The following WDR27 variants were observed in gnomAD, a reference collection of about 807,000 sequenced individuals.
WDR27 encodes WD repeat-containing protein 27.
Under a neutral mutation model 114.4 loss-of-function variants are expected in WDR27, and 100 were observed. The ratio of observed to expected loss-of-function variants is 0.87; its 90% confidence interval spans 0.74 to 1.03. The LOEUF is 1.03. Ranked by LOEUF, WDR27 falls within the 50% of genes least tolerant of loss-of-function variation. The probability of loss-of-function intolerance (pLI) is 0.00; values close to 1 mark genes in which losing one functional copy is unlikely to be tolerated. For missense variants in WDR27, 1,129 were observed against 1,092.9 expected, an observed-to-expected ratio of 1.03 and a Z score of -0.47; for synonymous variants, 449 against 423.1, an observed-to-expected ratio of 1.06 and a Z score of -0.75.
chr6:169,605,836 T>C (rs553033573), intron 22 of WDR27, among the ~76,000 whole-genome samples: 1 of 152,160 alleles, frequency 6.6e-6, no homozygotes, highest in South Asian at 2.1e-4. Context: ...CTTTGAAAGC[T>C]GACAAAATCA....
At chr6:169,673,336 G>T (rs1435369916) in intron 2 of WDR27, among the ~76,000 whole-genome samples, 2 of 151,890 alleles carry the variant, frequency 1.3e-5, no homozygotes, top group African/African-American at 4.8e-5. Flanking sequence ...TCTAGTAAAG[G>T]CAGGATACGT....
intron 1 of WDR27, among the ~76,000 whole-genome samples, chr6:169,697,053 T>G (rs1190280573): frequency 6.6e-6 from 1 of 152,252 alleles, no homozygotes; most frequent in African/African-American, 2.4e-5. Flanking sequence ...GGACACGAGC[T>G]GTTCCAGTAT....
chr6:169,663,444 G>C (rs2128278292), intron 8 of WDR27: 1 of 151,974 alleles, frequency 6.6e-6, no homozygotes, highest in East Asian at 1.9e-4. Flanking sequence ...TCTGTAATAT[G>C]AAACGTCAGC....
intron 25 of WDR27, among the ~76,000 whole-genome samples, chr6:169,460,513 G>A (rs564588065): frequency 6.6e-6 from 1 of 152,256 alleles, no homozygotes; most frequent in African/African-American, 2.4e-5. Flanking sequence ...AGGCAGTAAT[G>A]CAGAAAATAA....
chr6:169,663,902 G>A (rs976803435), intron 8 of WDR27, among the ~76,000 whole-genome samples: 11 of 152,342 alleles, frequency 7.2e-5, no homozygotes, highest in African/African-American at 2.6e-4. Flanking sequence ...ACCCATAGCT[G>A]CAAAGCTGCT....
chr6:169,444,951 C>T, the WDR27 span, among the ~76,000 whole-genome samples: 1 of 152,172 alleles, frequency 6.6e-6, no homozygotes, highest in Admixed American at 6.5e-5. Flanking sequence ...GAGGACAATA[C>T]TATCCCTTAC....
intron 7 of WDR27, chr6:169,664,587 T>C (rs981575305): frequency 1.3e-5 from 16 of 1,251,754 alleles, no homozygotes; most frequent in African/African-American, 3.1e-5. Context: ...CCAGGCTCTC[T>C]GCACACACCC....
chr6:169,634,286 A>C, intron 20 of WDR27, 142 bp downstream of exon 20: 2 of 590,604 alleles, frequency 3.4e-6, no homozygotes. Flanking sequence ...TAACACAAGG[A>C]TGGCGAGCTC....
chr6:169,592,626 C>T (rs2128156722), intron 23 of WDR27, among the ~76,000 whole-genome samples: 1 of 152,272 alleles, frequency 6.6e-6, no homozygotes, highest in African/African-American at 2.4e-5. Context: ...AATCTTGTCA[C>T]CTATGAATAA....
At chr6:169,656,583 A>C (rs1253556768) in intron 13 of WDR27, among the ~76,000 whole-genome samples, 1 of 151,920 alleles carries the variant, frequency 6.6e-6, no homozygotes, top group Non-Finnish European at 1.5e-5. Flanking sequence ...GAGAACGAGG[A>C]GGCCGGGAGG....
chr6:169,655,577 A>C (rs1437400112), intron 13 of WDR27, among the ~76,000 whole-genome samples: 3 of 152,242 alleles, frequency 2.0e-5, no homozygotes, highest in Non-Finnish European at 2.9e-5. Flanking sequence ...ATTACTCTAC[A>C]TATAAACAGC....
intron 24 of WDR27, among the ~76,000 whole-genome samples, chr6:169,577,321 G>A (rs968264480): frequency 2.8e-5 from 4 of 141,740 alleles, no homozygotes; most frequent in Admixed American, 1.4e-4. Context: ...GGGCGTCCGC[G>A]CCGAGCCAGG....
At chr6:169,621,191 T>C (rs1257726369) in intron 21 of WDR27, among the ~76,000 whole-genome samples, 3 of 151,960 alleles carry the variant, frequency 2.0e-5, no homozygotes, top group African/African-American at 4.8e-5. Flanking sequence ...TATACATACA[T>C]ACACCCATGC....
intron 22 of WDR27, among the ~76,000 whole-genome samples, chr6:169,612,506 C>A (rs78653523): frequency 6.6e-6 from 1 of 150,476 alleles, no homozygotes; most frequent in African/African-American, 2.5e-5. Context: ...CAGCTGCTCA[C>A]GAGGCTGAGG....
rs1433345146 is a variant in WDR27 at position 169,659,422 on chromosome 6, G to A, written c.1197+29C>T. On this transcript the variant is annotated intron_variant, in intron 11 of 25. Coordinates refer to ENST00000448612, the MANE Select transcript of WDR27 (RefSeq NM_182552.5). The surrounding 1 kb of genome is among the most constrained non-coding windows in gnomAD (Gnocchi z 4.3). Reference sequence around the variant, plus strand: ...GAAGAAATCAGAGGCACGTCTCATAGACAGGGAGGGCCGCGTCTCAGGACT... The same window carrying A: ...GAAGAAATCAGAGGCACGTCTCATAAACAGGGAGGGCCGCGTCTCAGGACT... 8.7e-6 allele frequency: 14 copies of A among 1,601,862 alleles called. No individual in the cohort carries two copies. Among genetic ancestry groups the A allele is most frequent in the Non-Finnish European group, 1.1e-5 (13 of 1,174,218 alleles).
At chr6:169,665,133 G>A (rs1489780290) in intron 7 of WDR27, 10 of 1,014,340 alleles carry the variant, frequency 9.9e-6, no homozygotes, top group East Asian at 9.6e-5. Flanking sequence ...CGTCCAGGGC[G>A]CCTCTCCGGG....
intron 23 of WDR27, among the ~76,000 whole-genome samples, chr6:169,600,514 C>T (rs1807756902): frequency 6.6e-6 from 1 of 152,084 alleles, no homozygotes; most frequent in Admixed American, 6.5e-5. Context: ...TCAAACTACT[C>T]CGAGCTAAAG....
At chr6:169,517,626 C>A (rs1793839478) in intron 25 of WDR27, among the ~76,000 whole-genome samples, 2 of 152,180 alleles carry the variant, frequency 1.3e-5, no homozygotes, top group Non-Finnish European at 2.9e-5. Context: ...AAAAGACTCC[C>A]TATGGCATTG....
At chr6:169,497,513 A>G (rs1790558704) in intron 25 of WDR27, among the ~76,000 whole-genome samples, 1 of 151,858 alleles carries the variant, frequency 6.6e-6, no homozygotes, top group Non-Finnish European at 1.5e-5. Context: ...AATCATGTAT[A>G]TAATAAGTGA....
Sources: allele counts gnomAD v4.1 joint callset (sites outside exome capture counted in the v4.1 genomes callset), GRCh38; gene constraint gnomAD v4.1.1; non-coding constraint Gnocchi (gnomAD v3.1); transcripts MANE v1.5; gene names NCBI Gene and HGNC (gene_info 2026-07-23, HGNC 2026-07-21).